KTN1: variants seen among roughly 807,000 people sequenced by gnomAD.
KTN1 encodes the protein kinectin.
KTN1 carries 130 observed loss-of-function variants against 222.5 expected under a neutral mutation model. The ratio of observed to expected loss-of-function variants is 0.58; its 90% CI spans 0.51 to 0.68. The LOEUF (loss-of-function observed/expected upper bound fraction) is 0.68, where lower values mean the gene tolerates loss of function less well. Ranked by LOEUF, KTN1 falls within the 30% of genes least tolerant of loss-of-function variation. KTN1 has a pLI of 0.00. For synonymous variants in KTN1, 512 were observed against 496.3 expected, an observed-to-expected ratio of 1.03 and a Z score of -0.42; for missense variants, 1,508 against 1,500.4, an observed-to-expected ratio of 1.01 and a Z score of -0.08.
At position 55,650,328 on chromosome 14, in the gene KTN1, G is replaced by T; in HGVS notation, c.2406G>T (p.Val802=). The T allele has an allele frequency of 6.3e-7, 1 of 1,582,956 alleles. No homozygotes were observed. Among genetic ancestry groups the T allele is most frequent in the South Asian group, 1.2e-5 (1 of 86,050 alleles). The part of the protein sequence containing the change: ...FASLVEELKK[V]IHEKDGKIKS... ...ATTATACTGCATTTCTTTATTGAAG[G>T]ATCCATGAGAAAGATGGAAAGATCA... is the stretch of plus-strand genomic sequence containing the variant. Residue 802 remains valine, a splice_region_variant and synonymous_variant, in exon 23 of 44, where the codon GTG becomes GTT. Transcript: ENST00000395314.
chr14:55,642,560 G>GT (rs1422564418), intron 18 of KTN1, among the ~76,000 whole-genome samples: 4 of 152,148 alleles, frequency 2.6e-5, no homozygotes, highest in Non-Finnish European at 5.9e-5. Flanking sequence ...GGAAGTTTGC[G>GT]TTTGTTCCTA....
intron 1 of KTN1, among the ~76,000 whole-genome samples, chr14:55,591,581 CTTTTTTTTTTTTTT>C (rs71131297): frequency 0.13 from 11,794 of 88,486 alleles, 695 homozygotes; most frequent in South Asian, 0.23. Flanking sequence ...TTCTCTCTTT[CTTTTTTTTTTTTTT>C]TTTTTTTTTT....
intron 24 of KTN1, among the ~76,000 whole-genome samples, chr14:55,650,975 A>G (rs774179984): frequency 2.6e-5 from 4 of 152,246 alleles, no homozygotes; most frequent in African/African-American, 9.6e-5. Context: ...CCAAAATGTT[A>G]TTTGAATATA....
intron 1 of KTN1, among the ~76,000 whole-genome samples, chr14:55,600,004 TA>T (rs2035726725): frequency 6.6e-6 from 1 of 151,972 alleles, no homozygotes; most frequent in Non-Finnish European, 1.5e-5. Context: ...GGACAAGAAT[TA>T]AAAATTCTTA....
chr14:55,674,396 A>G (rs2045717456), intron 40 of KTN1: 1 of 152,038 alleles, frequency 6.6e-6, no homozygotes, highest in Non-Finnish European at 1.5e-5. Context: ...ATTTTGGAGC[A>G]TTTCAAAGTT....
chr14:55,643,117 C>G (rs953054133), intron 18 of KTN1, among the ~76,000 whole-genome samples: 11 of 152,118 alleles, frequency 7.2e-5, no homozygotes, highest in Non-Finnish European at 1.2e-4. Flanking sequence ...GCAATATTAG[C>G]CAGGCTGGTC....
At chr14:55,681,703 G>C (rs2046383476) in intron 43 of KTN1, 1 of 152,172 alleles carries the variant, frequency 6.6e-6, no homozygotes, top group African/African-American at 2.4e-5. Context: ...GTGGTTGACA[G>C]TATTATATCA....
chr14:55,639,122 T>G, intron 12 of KTN1, 63 bp from the exon 13 acceptor site: 2 of 1,066,010 alleles, frequency 1.9e-6, no homozygotes, highest in African/African-American at 1.6e-5. Context: ...CTGTTATGAT[T>G]ATTGTATAGC....
chr14:55,615,799 CTTCCTTCTT>C (rs1354343482), intron 2 of KTN1, among the ~76,000 whole-genome samples: 1 of 151,352 alleles, frequency 6.6e-6, no homozygotes, highest in African/African-American at 2.4e-5. Flanking sequence ...CTTCCCTTCC[CTTCCTTCTT>C]TTCCTTCCTT....
chr14:55,621,101 C>G (rs1477539402), intron 5 of KTN1, among the ~76,000 whole-genome samples: 1 of 152,174 alleles, frequency 6.6e-6, no homozygotes, highest in East Asian at 1.9e-4. Flanking sequence ...ATAATGCCAC[C>G]AGTCTCTTTG....
intron 6 of KTN1, 127 bp downstream of exon 6, chr14:55,628,155 A>C: frequency 1.6e-6 from 1 of 627,944 alleles, no homozygotes; most frequent in Non-Finnish European, 2.8e-6. Context: ...ACTTTCCTTT[A>C]GAGTTTTGGG....
At chr14:55,668,923 T>A (rs1267323822) in intron 34 of KTN1, 1 of 152,126 alleles carries the variant, frequency 6.6e-6, no homozygotes, top group African/African-American at 2.4e-5. Flanking sequence ...TATGTTCCGA[T>A]CTGATCAGTT....
chr14:55,636,507 G>C lies in KTN1; in HGVS notation c.1520G>C (p.Arg507Thr), dbSNP rs763496515. Residue 507 changes from arginine to threonine, a missense_variant, in exon 10 of 44, where the codon AGA becomes ACA. Transcript: ENST00000395314. ...GAAGTTCAGAGCTACATCAGGAAGA[G>C]AACAGCGGAACATGAGGCAGCACAG... is the stretch of plus-strand genomic sequence containing the variant. Reference protein sequence around the residue: ...WEEVQSYIRKRTAEHEAAQQD... With the variant: ...WEEVQSYIRKTTAEHEAAQQD... 5 of 1,610,686 alleles carry C rather than the reference G, an allele frequency of 3.1e-6. No individual in the cohort carries two copies. The highest frequency in any genetic ancestry group is 2.2e-5 in the East Asian group (1 of 44,792).
At chr14:55,619,457 T>G in intron 5 of KTN1, 145 bp downstream of exon 5, 1 of 729,294 alleles carries the variant, frequency 1.4e-6, no homozygotes, top group Non-Finnish European at 2.3e-6. Context: ...AATTACTTTA[T>G]ATATCGTATT....
At chr14:55,680,630 A>G (rs746486972) in intron 43 of KTN1, 6 of 1,053,840 alleles carry the variant, frequency 5.7e-6, no homozygotes, top group Non-Finnish European at 8.2e-6. Context: ...GGTATCCTGG[A>G]AAAGTTGGGA....
At chr14:55,680,847 C>A in intron 43 of KTN1, 2 of 514,998 alleles carry the variant, frequency 3.9e-6, no homozygotes, top group Non-Finnish European at 6.9e-6. Context: ...CCTTGGTAAG[C>A]TGACTTCTCC....
intron 1 of KTN1, among the ~76,000 whole-genome samples, chr14:55,599,736 G>A (rs1033549172): frequency 1.3e-5 from 2 of 151,946 alleles, no homozygotes; most frequent in African/African-American, 4.8e-5. Context: ...CCATTTTTAT[G>A]TCAATATTTG....
intron 5 of KTN1, among the ~76,000 whole-genome samples, chr14:55,620,946 C>G (rs539008219): frequency 6.6e-6 from 1 of 152,306 alleles, no homozygotes; most frequent in African/African-American, 2.4e-5. Flanking sequence ...ATTTTCCAAA[C>G]TTTATTCTCT....
At chr14:55,630,933 G>A (rs1248356753) in intron 7 of KTN1, among the ~76,000 whole-genome samples, 1 of 152,100 alleles carries the variant, frequency 6.6e-6, no homozygotes, top group Non-Finnish European at 1.5e-5. Context: ...TAGTGTGAAG[G>A]GGAGAGGTGA....
Sources: allele counts gnomAD v4.1 joint callset (sites outside exome capture counted in the v4.1 genomes callset), GRCh38; gene constraint gnomAD v4.1.1; transcripts MANE v1.5; gene names NCBI Gene and HGNC (gene_info 2026-07-23, HGNC 2026-07-21).